TXK: variants seen among roughly 807,000 people sequenced by gnomAD.
TXK encodes tyrosine-protein kinase TXK.
In TXK, 60 loss-of-function variants were observed where a neutral mutation model predicts 81.0. The observed-to-expected ratio is 0.74, with a 90% CI of 0.60 to 0.92. TXK has a LOEUF of 0.92. TXK is among the 40% of genes least tolerant of loss of function. The pLI is 0.00. For synonymous variants in TXK, 203 were observed against 210.7 expected (o/e 0.96, Z 0.32); for missense variants, 581 against 638.3 (o/e 0.91, Z 0.97).
At chr4:48,086,882 A>C (rs1717555000) in intron 9 of TXK, among the ~76,000 whole-genome samples, 1 of 152,132 alleles carries the variant, frequency 6.6e-6, no homozygotes, top group South Asian at 2.1e-4. Context: ...AACAAAATGC[A>C]CTCTCTGCTC....
At chr4:48,133,839 C>T (rs766138463) in intron 1 of TXK, among the ~76,000 whole-genome samples, 2 of 152,150 alleles carry the variant, frequency 1.3e-5, no homozygotes, top group Non-Finnish European at 2.9e-5. Context: ...TGGCCTTCAG[C>T]CCAGAGCTCA....
chr4:48,089,986 A>G (rs1717697866), intron 8 of TXK, among the ~76,000 whole-genome samples, 162 bp from the exon 9 acceptor site: 1 of 144,034 alleles, frequency 6.9e-6, no homozygotes, highest in Admixed American at 6.9e-5. Context: ...TTCCAAAAAA[A>G]AATATATACT....
intron 9 of TXK, among the ~76,000 whole-genome samples, chr4:48,088,719 TA>T (rs1432082636): frequency 5.9e-5 from 9 of 152,330 alleles, no homozygotes; most frequent in Non-Finnish European, 1.3e-4. Context: ...TTAACTTAAG[TA>T]AATTGTTAAT....
intron 1 of TXK, among the ~76,000 whole-genome samples, chr4:48,115,375 T>C (rs1361832558): frequency 6.6e-6 from 1 of 152,172 alleles, no homozygotes; most frequent in Non-Finnish European, 1.5e-5. Context: ...GCAAAGGACA[T>C]GAACTCATTC....
At chr4:48,124,826 A>T (rs1719045194) in intron 1 of TXK, among the ~76,000 whole-genome samples, 1 of 152,236 alleles carries the variant, frequency 6.6e-6, no homozygotes, top group East Asian at 1.9e-4. Flanking sequence ...CTGGCATTCA[A>T]ATGTGTTTGT....
intron 8 of TXK, among the ~76,000 whole-genome samples, chr4:48,090,091 C>T (rs1662323087): frequency 1.3e-5 from 2 of 152,120 alleles, no homozygotes; most frequent in Non-Finnish European, 2.9e-5. Context: ...TTGTTATCAT[C>T]TTGGTGAATA....
chr4:48,123,134 C>A (rs1034997524), intron 1 of TXK, among the ~76,000 whole-genome samples: 3 of 152,102 alleles, frequency 2.0e-5, no homozygotes, highest in African/African-American at 7.2e-5. Context: ...TAATCACTAG[C>A]CTGTTATGTT....
chr4:48,117,656 A>T (rs1718848082), intron 1 of TXK, among the ~76,000 whole-genome samples: 1 of 152,226 alleles, frequency 6.6e-6, no homozygotes. Flanking sequence ...CTAGTGCATT[A>T]TTAGATGAAA....
intron 1 of TXK, among the ~76,000 whole-genome samples, chr4:48,120,143 ATATGTATATATG>A (rs1301986373): frequency 8.6e-6 from 1 of 116,762 alleles, no homozygotes; most frequent in Non-Finnish European, 1.8e-5. Context: ...ACATGTGTAT[ATATGTATATATG>A]CATATATATG....
At chr4:48,075,077 A>G (rs917479043) in intron 12 of TXK, among the ~76,000 whole-genome samples, 2 of 151,918 alleles carry the variant, frequency 1.3e-5, no homozygotes, top group Admixed American at 1.3e-4. Flanking sequence ...TCCCCCAAAA[A>G]GAGGAATGGG....
intron 12 of TXK, among the ~76,000 whole-genome samples, chr4:48,075,982 A>C (rs1717054336): frequency 6.6e-6 from 1 of 152,212 alleles, no homozygotes; most frequent in Admixed American, 6.5e-5. Context: ...CACACTCTTG[A>C]ATTTTAGACT....
intron 1 of TXK, among the ~76,000 whole-genome samples, chr4:48,124,616 C>T (rs1197617339): frequency 6.6e-6 from 1 of 151,952 alleles, no homozygotes; most frequent in African/African-American, 2.4e-5. Context: ...GTGATGCTGG[C>T]CACAGAGAAA....
chr4:48,081,231 T>G (rs1717288212), intron 10 of TXK, among the ~76,000 whole-genome samples: 1 of 152,152 alleles, frequency 6.6e-6, no homozygotes, highest in Admixed American at 6.5e-5. Flanking sequence ...GAAATACTAA[T>G]TTGCCACAAG....
chr4:48,085,723 C>T (rs1717498398), intron 10 of TXK, among the ~76,000 whole-genome samples: 1 of 152,106 alleles, frequency 6.6e-6, no homozygotes. Context: ...AGTGTCTAAA[C>T]ATTGAGAGGA....
chr4:48,114,291 TAA>T, intron 2 of TXK, 55 bp downstream of exon 2: 1 of 1,561,640 alleles, frequency 6.4e-7, no homozygotes, highest in Non-Finnish European at 8.8e-7. Flanking sequence ...ACTCCACAGG[TAA>T]TAAAGAAACG....
chr4:48,080,309 G>T lies in TXK; in HGVS notation c.957-181C>A, dbSNP rs1448850041. On this transcript the variant is annotated intron_variant, in intron 10 of 14. Transcript: ENST00000264316. ...CCACTTAATGCACTGAGAATGTGGG[G>T]TCAAGAGTTTAAGTGGTAATGCCAG... is the stretch of plus-strand genomic sequence containing the variant. 3.0e-5 allele frequency: 18 copies of T among 602,348 alleles called. No homozygotes were observed. In the South Asian group the frequency reaches 3.4e-4, roughly 11 times the overall value. 37.3% of individuals were successfully genotyped at this position (602,348 alleles called of 1,614,324 possible). A position where few individuals can be genotyped will look rare whatever the true frequency, so the allele number is the denominator to read the frequency against.
At chr4:48,108,058 G>C (rs549876681) in intron 5 of TXK, among the ~76,000 whole-genome samples, 2 of 151,830 alleles carry the variant, frequency 1.3e-5, no homozygotes, top group Non-Finnish European at 2.9e-5. Context: ...GTGACAGAGC[G>C]AGACTCTGTC....
intron 1 of TXK, among the ~76,000 whole-genome samples, chr4:48,127,095 T>A (rs6819592): frequency 0.75 from 113,991 of 152,164 alleles, 43,011 homozygotes; most frequent in East Asian, 0.92. Flanking sequence ...TCCCTCAAAG[T>A]CCAAGAACAG....
At chr4:48,124,831 GT>G (rs1245841229) in intron 1 of TXK, among the ~76,000 whole-genome samples, 3 of 152,198 alleles carry the variant, frequency 2.0e-5, no homozygotes, top group Non-Finnish European at 4.4e-5. Flanking sequence ...ATTCAAATGT[GT>G]TTGTTTTTTC....
Sources: gnomAD v4.1 joint callset for allele counts (sites outside exome capture counted in the v4.1 genomes callset) on GRCh38, gnomAD v4.1.1 for gene constraint, MANE v1.5 for transcripts, NCBI Gene and HGNC (gene_info 2026-07-23, HGNC 2026-07-21) for gene names.